SATB2: variants seen among roughly 807,000 people sequenced by gnomAD.
SATB2 encodes SATB homeobox 2.
SATB2 carries 1 observed loss-of-function variant against 73.4 expected under a neutral mutation model. The ratio of observed to expected loss-of-function variants is 0.01; its 90% CI spans 0.00 to 0.06. The LOEUF is 0.06. Among genes scored for constraint, SATB2 ranks in the 10% least tolerant of loss-of-function variants. The pLI, the probability that SATB2 is intolerant of heterozygous loss-of-function variation, is 1.00. For missense variants in SATB2, 459 were observed against 945.8 expected (o/e 0.49, Z 6.75); for synonymous variants, 397 against 367.0 (o/e 1.08, Z -0.93).
Position 199,363,424 on chromosome 2 carries a change from A to T in SATB2, c.700+5181T>A, listed in dbSNP as rs139714720. On this transcript the variant is annotated intron_variant, in intron 6 of 10. Transcript: ENST00000417098. ...AGACAAATGCTGCACGTTCTCACTT[A>T]TATGTGGAATTTAAAACAATTGAAT... Among the ~76,000 whole-genome samples, 237 of 152,332 alleles carry T rather than the reference A, an allele frequency of 1.6e-3. 1 individual carries two copies. Among genetic ancestry groups the T allele is most frequent in the African/African-American group, 2.5e-3 (106 of 41,584 alleles).
rs150300524 is a variant in SATB2, at chr2:199,427,938, G to C, written c.346+5400C>G. On this transcript the variant is annotated intron_variant, in intron 3 of 10. Coordinates refer to ENST00000417098, the MANE Select transcript of SATB2 (RefSeq NM_001172509.2). ...TGAATAATAAAGTGATAATAATAAA[G>C]GCATTCATTTTTTATAAAAATATCC... is the stretch of plus-strand genomic sequence containing the variant. Among the ~76,000 whole-genome samples, 9 of 152,000 alleles carry C rather than the reference G, an allele frequency of 5.9e-5. No individual in the cohort carries two copies. In the East Asian group the frequency reaches 1.5e-3, roughly 26 times the overall value.
chr2:199,324,028 A>G lies in SATB2; in HGVS notation c.1387-70T>C, dbSNP rs528517011. 3.5e-5 allele frequency: 55 copies of G among 1,564,184 alleles called. No individual in the cohort carries two copies. The Middle Eastern group carries it at 8.5e-4, about 24-fold the overall frequency. On this transcript the variant is annotated intron_variant, in intron 8 of 10. Transcript: ENST00000417098. ...CAGCCCAGCCATCTGTGCAGAAATT[A>G]TCAAAGGATTTCAGTCAGCTGATGC... is the stretch of plus-strand genomic sequence containing the variant.
At chr2:199,306,496 T>A (rs1687437108) in intron 10 of SATB2, among the ~76,000 whole-genome samples, 1 of 152,324 alleles carries the variant, frequency 6.6e-6, no homozygotes, top group Middle Eastern at 3.4e-3. Flanking sequence ...TAAACTTTTA[T>A]AAAATAAGTG....
At chr2:199,335,262 TGG>T (rs1207693401) in intron 7 of SATB2, among the ~76,000 whole-genome samples, 1 of 152,132 alleles carries the variant, frequency 6.6e-6, no homozygotes, top group African/African-American at 2.4e-5. Flanking sequence ...TTTTGTCGGA[TGG>T]GGTGGATAGA....
chr2:199,308,880 G>A lies in SATB2; in HGVS notation c.1620C>T (p.Thr540=). 6.2e-7 allele frequency: 1 copy of A among 1,614,154 alleles called. No individual in the cohort carries two copies. Among genetic ancestry groups the A allele is most frequent in the Non-Finnish European group, 8.5e-7 (1 of 1,180,002 alleles). ...ENRTLWENLC[T]IRRFLNLPQH... ...GGGGAAGGTTCAGGAAGCGACGGAT[G>A]GTACAGAGGTTTTCCCAGAGGGTGC... Residue 540 remains threonine, a synonymous_variant, in exon 10 of 11, where the codon ACC becomes ACT. Transcript: ENST00000417098. This position sits in a 1 kb window ranked among gnomAD's most constrained non-coding sequence, Gnocchi z 4.6.
intron 7 of SATB2, among the ~76,000 whole-genome samples, chr2:199,338,688 T>C (rs1407140738): frequency 6.6e-6 from 1 of 151,450 alleles, no homozygotes; most frequent in East Asian, 1.9e-4. Flanking sequence ...GAAGCTGAGG[T>C]GGGTGACTGC....
At chr2:199,404,598 A>G (rs894226572) in intron 3 of SATB2, among the ~76,000 whole-genome samples, 1 of 152,180 alleles carries the variant, frequency 6.6e-6, no homozygotes, top group African/African-American at 2.4e-5. Context: ...TATGAACCCT[A>G]TGAGTATTGC....
chr2:199,407,721 G>A (rs1428740056), intron 3 of SATB2, among the ~76,000 whole-genome samples: 1 of 152,158 alleles, frequency 6.6e-6, no homozygotes, highest in Non-Finnish European at 1.5e-5. Context: ...CAATGGCTAA[G>A]AAAGCCCTGG....
intron 3 of SATB2, among the ~76,000 whole-genome samples, chr2:199,392,733 G>A (rs1488434051): frequency 4.6e-5 from 7 of 151,930 alleles, no homozygotes; most frequent in Admixed American, 2.0e-4. Flanking sequence ...TATAAAATGG[G>A]GAGTTAAAAG....
At chr2:199,285,636 G>C (rs1308240444) in intron 10 of SATB2, among the ~76,000 whole-genome samples, 1 of 151,634 alleles carries the variant, frequency 6.6e-6, no homozygotes, top group Non-Finnish European at 1.5e-5. Context: ...ACAGGTGTTA[G>C]ATTACATTTT....
At chr2:199,453,258 T>A (rs1692181121) in intron 2 of SATB2, among the ~76,000 whole-genome samples, 1 of 152,124 alleles carries the variant, frequency 6.6e-6, no homozygotes, top group Non-Finnish European at 1.5e-5. Flanking sequence ...CCCTTATTTT[T>A]AAAAGAACAG....
intron 3 of SATB2, among the ~76,000 whole-genome samples, chr2:199,427,668 G>A (rs1002759232): frequency 5.9e-5 from 9 of 151,900 alleles, no homozygotes; most frequent in African/African-American, 1.9e-4. Context: ...ATTTCTAATT[G>A]TTGATCCTAG....
chr2:199,458,776 C>G (rs1412098348), upstream of SATB2: 1 of 397,828 alleles, frequency 2.5e-6, no homozygotes, highest in African/African-American at 2.2e-5. Flanking sequence ...CGCCCACCAC[C>G]CACCGCCTCC....
At chr2:199,413,036 A>G (rs1690869746) in intron 3 of SATB2, among the ~76,000 whole-genome samples, 1 of 152,200 alleles carries the variant, frequency 6.6e-6, no homozygotes, top group Non-Finnish European at 1.5e-5. Flanking sequence ...AATATTACAG[A>G]ATTTTTTTTA....
intron 8 of SATB2, 107 bp downstream of exon 8, chr2:199,328,586 GAAAGA>G: frequency 1.4e-6 from 1 of 738,556 alleles, no homozygotes; most frequent in Non-Finnish European, 2.2e-6. Flanking sequence ...AGAAAAAAAG[GAAAGA>G]AATCCTTGAA....
In SATB2 at chr2:199,456,083, A is replaced by T; in HGVS notation, c.-46T>A. 7.4e-7 allele frequency: 1 copy of T among 1,356,014 alleles called. No homozygotes were observed. The highest frequency in any genetic ancestry group is 9.8e-7 in the Non-Finnish European group (1 of 1,022,908). 84.0% of individuals were successfully genotyped at this position (1,356,014 alleles called of 1,614,324 possible). The stretch of plus-strand genomic sequence containing the variant: ...AAGTTCCCACCGGCAGGTCGCAATA[A>T]AACGCACAGGGACCTAGGGAGGGGG... On this transcript the variant is annotated 5_prime_UTR_variant, in exon 2 of 11. Transcript: ENST00000417098.
At chr2:199,332,861 T>C (rs1688227962) in intron 7 of SATB2, among the ~76,000 whole-genome samples, 1 of 152,148 alleles carries the variant, frequency 6.6e-6, no homozygotes, top group Non-Finnish European at 1.5e-5. Context: ...TGACATCTTG[T>C]CTGGGACAGG....
At chr2:199,431,398 T>C (rs193295149) in intron 3 of SATB2, among the ~76,000 whole-genome samples, 1 of 151,314 alleles carries the variant, frequency 6.6e-6, no homozygotes, top group East Asian at 1.9e-4. Context: ...ACAAACTGAT[T>C]TTTTTCTTTG....
At chr2:199,417,718 T>C (rs1339895261) in intron 3 of SATB2, among the ~76,000 whole-genome samples, 1 of 152,242 alleles carries the variant, frequency 6.6e-6, no homozygotes, top group Non-Finnish European at 1.5e-5. Flanking sequence ...AAATACACAA[T>C]TTTAACCAGA....
Sources: allele counts gnomAD v4.1 joint callset (sites outside exome capture counted in the v4.1 genomes callset), GRCh38; gene constraint gnomAD v4.1.1; non-coding constraint Gnocchi (gnomAD v3.1); transcripts MANE v1.5; gene names NCBI Gene and HGNC (gene_info 2026-07-23, HGNC 2026-07-21).